PPP2R5C: variants seen among roughly 807,000 people sequenced by gnomAD.
The protein encoded by PPP2R5C is serine/threonine-protein phosphatase 2A 56 kDa regulatory subunit gamma isoform.
A neutral mutation model predicts 68.9 loss-of-function variants in PPP2R5C; 7 were observed. That is an observed-to-expected ratio of 0.10 (90% confidence interval 0.06 to 0.19). PPP2R5C has a LOEUF of 0.19. PPP2R5C is among the 10% of genes least tolerant of loss of function. The pLI, the probability that PPP2R5C is intolerant of heterozygous loss-of-function variation, is 1.00. For synonymous variants in PPP2R5C, 210 were observed against 222.2 expected (o/e 0.95, Z 0.49); for missense variants, 348 against 641.3 (o/e 0.54, Z 4.94).
In PPP2R5C at chr14:101,891,440, G is replaced by A. The variant is rs1339012823; in HGVS notation, c.689+1144G>A. ...TGGGCGGGGTTTCTCCCTCAGTGCA[G>A]TGCAGTGAGTGGTGAAGAGGATGCC... On this transcript the variant is annotated intron_variant, in intron 6 of 13. Coordinates refer to ENST00000334743, the Ensembl canonical transcript of PPP2R5C. This position sits in a 1 kb window ranked among gnomAD's most constrained non-coding sequence, Gnocchi z 4.9. 1.3e-5 allele frequency among the ~76,000 whole-genome samples: 2 copies of A among 148,852 alleles called. No homozygotes were observed. The highest frequency in any genetic ancestry group is 1.3e-4 in the Admixed American group (2 of 15,130).
chr14:101,822,456 A>G (rs2040144094), intron 1 of PPP2R5C, among the ~76,000 whole-genome samples: 1 of 152,220 alleles, frequency 6.6e-6, no homozygotes, highest in South Asian at 2.1e-4. Context: ...CAATTCAGAT[A>G]CTTTTTCTTT....
In PPP2R5C at chr14:101,917,129, C is replaced by T. The variant is rs142165063; in HGVS notation, c.1327-702C>T. Among the ~76,000 whole-genome samples, 2 of 152,136 alleles carry T rather than the reference C, an allele frequency of 1.3e-5. No homozygotes were observed. Among genetic ancestry groups the T allele is most frequent in the East Asian group, 1.9e-4 (1 of 5,200 alleles). The stretch of plus-strand genomic sequence containing the variant: ...CCACCCTCCGGGGTGACCTTACCCC[C>T]GCACTACACTCATGGAAATGGAGTC... On this transcript the variant is annotated intron_variant, in intron 12 of 13. Transcript: ENST00000334743. The surrounding 1 kb of genome is among the most constrained non-coding windows in gnomAD (Gnocchi z 4.4).
chr14:101,871,392 C>T (rs536943521), intron 2 of PPP2R5C, among the ~76,000 whole-genome samples: 1 of 152,164 alleles, frequency 6.6e-6, no homozygotes, highest in South Asian at 2.1e-4. Flanking sequence ...TACAGGCGCC[C>T]ACCACCACAC....
chr14:101,820,473 C>T (rs970809183), intron 1 of PPP2R5C: 5 of 152,284 alleles, frequency 3.3e-5, no homozygotes, highest in East Asian at 1.9e-4. Flanking sequence ...GACACACTGC[C>T]GGGTGTTCAT....
intron 2 of PPP2R5C, among the ~76,000 whole-genome samples, chr14:101,863,333 T>C (rs1267873335): frequency 6.6e-6 from 1 of 151,916 alleles, no homozygotes; most frequent in African/African-American, 2.4e-5. Context: ...GGAGTCTGGC[T>C]ATGTTTCCTG....
chr14:101,760,753 G>A (rs1350864449), upstream of PPP2R5C: 10 of 865,828 alleles, frequency 1.2e-5, no homozygotes, highest in African/African-American at 6.1e-5. Context: ...GTCGAGGGGA[G>A]GGGCTGGTCG....
chr14:101,867,334 A>G (rs1334337060), intron 2 of PPP2R5C, among the ~76,000 whole-genome samples: 1 of 152,100 alleles, frequency 6.6e-6, no homozygotes, highest in Non-Finnish European at 1.5e-5. Context: ...GTTTGAGCTC[A>G]GGAGCTTAAG....
At chr14:101,786,361 C>T (rs1051972498) in intron 3 of PPP2R5C, among the ~76,000 whole-genome samples, 178 bp downstream of exon 3, 2 of 150,528 alleles carry the variant, frequency 1.3e-5, no homozygotes, top group Non-Finnish European at 3.0e-5. Flanking sequence ...ACTCAATTAA[C>T]ATTTTAAATT....
chr14:101,818,526 T>C (rs1945771540), intron 1 of PPP2R5C: 1 of 155,710 alleles, frequency 6.4e-6, no homozygotes, highest in African/African-American at 2.4e-5. Context: ...TCCCAGCTAC[T>C]AGGGAGGTTG....
At chr14:101,905,883 C>T (rs1040413351) in intron 9 of PPP2R5C, among the ~76,000 whole-genome samples, 3 of 152,148 alleles carry the variant, frequency 2.0e-5, no homozygotes, top group Non-Finnish European at 4.4e-5. Context: ...CCACCGCACA[C>T]GCACCGCCGC....
rs530365400 is a variant in PPP2R5C at position 101,823,856 on chromosome 14, G to A, written c.94+13820G>A. 6 of 1,229,734 alleles carry A rather than the reference G, an allele frequency of 4.9e-6. No individual in the cohort carries two copies. In the South Asian group the frequency reaches 6.9e-5, roughly 14 times the overall value. The allele number at this position is 1,229,734 out of a possible 1,614,324, so 76.2% of individuals were successfully genotyped here. ...TCTGCTCTCAGCTTTTTACAGTGGT[G>A]TAGAGTGCAGTGCAGCTGAAACCAG... On this transcript the variant is annotated intron_variant, in intron 1 of 13. Coordinates refer to ENST00000334743, the Ensembl canonical transcript of PPP2R5C.
chr14:101,891,596 C>T lies in PPP2R5C; in HGVS notation c.689+1300C>T, dbSNP rs987960360. 5.9e-5 allele frequency among the ~76,000 whole-genome samples: 9 copies of T among 152,110 alleles called. No individual in the cohort carries two copies. The highest frequency in any genetic ancestry group is 8.8e-5 in the Non-Finnish European group (6 of 67,998). On this transcript the variant is annotated intron_variant, in intron 6 of 13. Transcript: ENST00000334743. The surrounding 1 kb of genome is among the most constrained non-coding windows in gnomAD (Gnocchi z 4.9). Reference sequence around the variant, plus strand: ...GTTCCACAGCCCGCCATGCCGTGTGCGTAGGGCCCCCGTGTGCATAGGGCC... The same window carrying T: ...GTTCCACAGCCCGCCATGCCGTGTGTGTAGGGCCCCCGTGTGCATAGGGCC...
intron 2 of PPP2R5C, among the ~76,000 whole-genome samples, chr14:101,868,754 A>T (rs1430459084): frequency 1.3e-5 from 2 of 152,352 alleles, no homozygotes; most frequent in East Asian, 3.9e-4. Context: ...CTTATGACCT[A>T]GTGAATATCT....
intron 9 of PPP2R5C, among the ~76,000 whole-genome samples, chr14:101,905,768 C>A (rs895209775): frequency 1.3e-5 from 2 of 152,184 alleles, no homozygotes; most frequent in Non-Finnish European, 2.9e-5. Flanking sequence ...TTCATGCCCC[C>A]ACTGCCCTCT....
chr14:101,905,774 C>T (rs57092337), intron 9 of PPP2R5C, among the ~76,000 whole-genome samples: 17,893 of 152,122 alleles, frequency 0.12, 1,520 homozygotes, highest in East Asian at 0.3. Flanking sequence ...CCCCCACTGC[C>T]CTCTGCAGTG....
At chr14:101,908,861 A>G (rs1358218859) in intron 10 of PPP2R5C, among the ~76,000 whole-genome samples, 3 of 152,182 alleles carry the variant, frequency 2.0e-5, no homozygotes, top group Non-Finnish European at 2.9e-5. Context: ...GGGTTTTATT[A>G]CAAAGTGGAT....
intron 7 of PPP2R5C, 23 bp from the exon 10 acceptor site, chr14:101,894,484 C>T (rs374127121): frequency 1.2e-6 from 2 of 1,609,548 alleles, no homozygotes; most frequent in African/African-American, 2.7e-5. Context: ...AATGTTAATG[C>T]TCTTTCTCCT....
chr14:101,911,150 T>C (rs888510089), intron 11 of PPP2R5C, among the ~76,000 whole-genome samples: 4 of 139,844 alleles, frequency 2.9e-5, no homozygotes, highest in African/African-American at 5.5e-5. Flanking sequence ...TGGTGGCGGG[T>C]GCCTGTAGTC....
intron 2 of PPP2R5C, among the ~76,000 whole-genome samples, chr14:101,763,803 C>T (rs752903980): frequency 7.9e-5 from 12 of 152,202 alleles, no homozygotes; most frequent in South Asian, 2.1e-4. Context: ...ATCTCCCCAC[C>T]GCCACTTCCA....
Sources: gnomAD v4.1 joint callset for allele counts (sites outside exome capture counted in the v4.1 genomes callset) on GRCh38, gnomAD v4.1.1 for gene constraint, Gnocchi (gnomAD v3.1) non-coding constraint, MANE v1.5 for transcripts, NCBI Gene and HGNC (gene_info 2026-07-23, HGNC 2026-07-21) for gene names.